Variants in RFTN1 observed in about 807,000 individuals in gnomAD.
The protein encoded by RFTN1 is raftlin.
A neutral mutation model predicts 46.5 loss-of-function variants in RFTN1; 26 were observed. The observed-to-expected ratio is 0.56, with a 90% confidence interval of 0.41 to 0.78. RFTN1 has a LOEUF of 0.78. Among genes scored for constraint, RFTN1 ranks in the 30% least tolerant of loss-of-function variants. The pLI is 0.00. For synonymous variants in RFTN1, 261 were observed against 284.2 expected, an observed-to-expected ratio of 0.92 and a Z score of 0.82; for missense variants, 693 against 718.7, an observed-to-expected ratio of 0.96 and a Z score of 0.41.
chr3:16,331,390 A>T (rs1203757063), intron 7 of RFTN1, among the ~76,000 whole-genome samples: 1 of 152,210 alleles, frequency 6.6e-6, no homozygotes, highest in East Asian at 1.9e-4. Context: ...CCAAATGGTT[A>T]TTTTGTAATT....
Position 16,442,942 on chromosome 3 carries a change from T to C in RFTN1, c.146-8905A>G, listed in dbSNP as rs1199228888. 1.3e-5 allele frequency among the ~76,000 whole-genome samples: 2 copies of C among 152,244 alleles called. No individual in the cohort carries two copies. Among genetic ancestry groups the C allele is most frequent in the African/African-American group, 4.8e-5 (2 of 41,474 alleles). On this transcript the variant is annotated intron_variant, in intron 2 of 9. Transcript: ENST00000334133. This position sits in a 1 kb window ranked among gnomAD's most constrained non-coding sequence, Gnocchi z 4.1. ...TTTTTTAAGGCTGAATAATACTCCA[T>C]TGCATATATATACCATAGTTTATTT...
Position 16,427,650 on chromosome 3 carries a change from C to T in RFTN1, c.332+6201G>A, listed in dbSNP as rs1284536269. Among the ~76,000 whole-genome samples, 1 of 152,220 alleles carries T rather than the reference C, an allele frequency of 6.6e-6. No individual in the cohort carries two copies. The highest frequency in any genetic ancestry group is 1.5e-5 in the Non-Finnish European group (1 of 68,038). On this transcript the variant is annotated intron_variant, in intron 3 of 9. Transcript: ENST00000334133. This position sits in a 1 kb window ranked among gnomAD's most constrained non-coding sequence, Gnocchi z 5.4. ...CTCTCAACAACCCACTGCATCTCTT[C>T]TAAGAATCACTGGAGGAATCTGTTC...
chr3:16,397,876 T>C (rs1161123885), intron 4 of RFTN1, among the ~76,000 whole-genome samples: 3 of 152,106 alleles, frequency 2.0e-5, no homozygotes, highest in African/African-American at 7.2e-5. Flanking sequence ...AGTTCTCAGG[T>C]CATTTTGAAG....
chr3:16,482,929 C>A (rs1005413222), intron 2 of RFTN1: 2 of 1,118,908 alleles, frequency 1.8e-6, no homozygotes, highest in African/African-American at 3.1e-5. Flanking sequence ...CCCCACCCAA[C>A]TCTGACCCTG....
In RFTN1 at chr3:16,468,952, C is replaced by G. The variant is rs1478512390; in HGVS notation, c.145+24773G>C. Among the ~76,000 whole-genome samples the G allele has an allele frequency of 1.3e-5, 2 of 152,278 alleles. No homozygotes were observed. The highest frequency in any genetic ancestry group is 2.9e-5 in the Non-Finnish European group (2 of 68,054). ...CTGCCAAAAGGCCAATCCATTCCCCCCATCACTCAGCCTGCCTGAATCGCA... is the reference window on the plus strand; with the variant it reads ...CTGCCAAAAGGCCAATCCATTCCCCGCATCACTCAGCCTGCCTGAATCGCA... On this transcript the variant is annotated intron_variant, in intron 2 of 9. Coordinates refer to ENST00000334133, the MANE Select transcript of RFTN1 (RefSeq NM_015150.2). The surrounding 1 kb of genome is among the most constrained non-coding windows in gnomAD (Gnocchi z 4.4).
At chr3:16,367,029 G>A (rs113638349) in intron 6 of RFTN1, among the ~76,000 whole-genome samples, 7,921 of 123,400 alleles carry the variant, frequency 0.064, no homozygotes, top group South Asian at 0.2. Context: ...AATGCCTCAA[G>A]AACAGAAGCT....
chr3:16,394,983 A>G (rs1559320211), intron 4 of RFTN1, among the ~76,000 whole-genome samples: 1 of 152,234 alleles, frequency 6.6e-6, no homozygotes, highest in Admixed American at 6.5e-5. Context: ...TGGTGATGAT[A>G]AAGGCAACCA....
rs902973406 is a variant in RFTN1, at chr3:16,428,816, A to C, written c.332+5035T>G. ...CTAGAATTAAACCCACACTCATGAA[A>C]CATCAGAAGTGACGTTTTAATAACT... On this transcript the variant is annotated intron_variant, in intron 3 of 9. Coordinates refer to ENST00000334133, the MANE Select transcript of RFTN1 (RefSeq NM_015150.2). The surrounding 1 kb of genome is among the most constrained non-coding windows in gnomAD (Gnocchi z 4.7). Among the ~76,000 whole-genome samples, 1 of 152,246 alleles carries C rather than the reference A, an allele frequency of 6.6e-6. No individual in the cohort carries two copies. Among genetic ancestry groups the C allele is most frequent in the African/African-American group, 2.4e-5 (1 of 41,472 alleles).
At chr3:16,393,945 C>G (rs2074411064) in intron 4 of RFTN1, among the ~76,000 whole-genome samples, 1 of 152,096 alleles carries the variant, frequency 6.6e-6, no homozygotes, top group African/African-American at 2.4e-5. Flanking sequence ...AGGTGTGAGC[C>G]ACCGCACCCG....
rs1356509619 is a variant in RFTN1 at position 16,482,998 on chromosome 3, C to T, written c.145+10727G>A. ...AGCCTCCCTTCTAGCCATCCACCTT[C>T]CCTCCTCCAGGGCTTCTGACATTTT... On this transcript the variant is annotated intron_variant, in intron 2 of 9. Transcript: ENST00000334133. 33 of 614,072 alleles carry T rather than the reference C, an allele frequency of 5.4e-5. No individual in the cohort carries two copies. In the Admixed American group the frequency reaches 9.2e-4, roughly 17 times the overall value. The allele number at this position is 614,072 out of a possible 1,614,324, so 38.0% of individuals were successfully genotyped here. A position where few individuals can be genotyped will look rare whatever the true frequency, so the allele number is the denominator to read the frequency against.
At chr3:16,432,684 A>AAGAG (rs956491124) in intron 3 of RFTN1, among the ~76,000 whole-genome samples, 1 of 152,018 alleles carries the variant, frequency 6.6e-6, no homozygotes, top group South Asian at 2.1e-4. Context: ...AGAAAAAAAA[A>AAGAG]AGAGAGAGAG....
At chr3:16,360,521 T>C (rs770688849) in intron 6 of RFTN1, among the ~76,000 whole-genome samples, 19 of 152,324 alleles carry the variant, frequency 1.2e-4, no homozygotes, top group Non-Finnish European at 2.5e-4. Context: ...TATGGTGATA[T>C]GCAAAAGTTT....
At position 16,458,570 on chromosome 3, in the gene RFTN1, T is replaced by C. The variant is rs557721444; in HGVS notation, c.146-24533A>G. ...GATCTTTATTGAGCTTTTCCATCTT[T>C]GTAAATCGTAAATTGTCCTTTCAAC... On this transcript the variant is annotated intron_variant, in intron 2 of 9. Coordinates refer to ENST00000334133, the MANE Select transcript of RFTN1 (RefSeq NM_015150.2). The surrounding 1 kb of genome is among the most constrained non-coding windows in gnomAD (Gnocchi z 5.1). Among the ~76,000 whole-genome samples the C allele has an allele frequency of 6.6e-6, 1 of 152,358 alleles. No individual in the cohort carries two copies. Among genetic ancestry groups the C allele is most frequent in the South Asian group, 2.1e-4 (1 of 4,830 alleles).
At position 16,507,692 on chromosome 3, in the gene RFTN1, T is replaced by TACAC. The variant is rs1225183240; in HGVS notation, c.-9+5746_-9+5749dup. On this transcript the variant is annotated intron_variant, in intron 1 of 9. Coordinates refer to ENST00000334133, the MANE Select transcript of RFTN1 (RefSeq NM_015150.2). This position sits in a 1 kb window ranked among gnomAD's most constrained non-coding sequence, Gnocchi z 7.1. ...CACACAATGCACATAAACACACACA[T>TACAC]ACACACACATACATACACATACACA... Among the ~76,000 whole-genome samples, 1 of 144,568 alleles carries TACAC rather than the reference T, an allele frequency of 6.9e-6. No individual in the cohort carries two copies. Among genetic ancestry groups the TACAC allele is most frequent in the Non-Finnish European group, 1.5e-5 (1 of 65,982 alleles). 94.8% of individuals were successfully genotyped at this position (144,568 alleles called of 152,430 possible).
chr3:16,357,869 A>C, intron 7 of RFTN1, 63 bp downstream of exon 7: 3 of 1,029,626 alleles, frequency 2.9e-6, no homozygotes, highest in Non-Finnish European at 4.6e-6. Flanking sequence ...GGTCAGATCA[A>C]GCAGGCGGAT....
chr3:16,493,665 CCTG>C, intron 2 of RFTN1, 57 bp downstream of exon 2: 1 of 1,397,600 alleles, frequency 7.2e-7, no homozygotes, highest in Non-Finnish European at 9.6e-7. Flanking sequence ...ACCCCCATCC[CCTG>C]CAGGCCCCTG....
chr3:16,480,811 C>T lies in RFTN1; in HGVS notation c.145+12914G>A, dbSNP rs1043605301. Among the ~76,000 whole-genome samples the T allele has an allele frequency of 6.6e-6, 1 of 152,140 alleles. No homozygotes were observed. The highest frequency in any genetic ancestry group is 1.9e-4 in the East Asian group (1 of 5,198). On this transcript the variant is annotated intron_variant, in intron 2 of 9. Coordinates refer to ENST00000334133, the MANE Select transcript of RFTN1 (RefSeq NM_015150.2). The surrounding 1 kb of genome is among the most constrained non-coding windows in gnomAD (Gnocchi z 4.3). ...TAACTTGTTTTCTGTTCCGCTTTAA[C>T]CAAATTAGATAACAATTATTACCAC...
intron 9 of RFTN1, among the ~76,000 whole-genome samples, chr3:16,319,836 G>A (rs1325009310): frequency 6.6e-6 from 1 of 152,238 alleles, no homozygotes; most frequent in African/African-American, 2.4e-5. Context: ...GAGCCTCTGA[G>A]GTGAGCTCTG....
chr3:16,434,076 A>G (rs1436342195), intron 2 of RFTN1, 39 bp from the exon 3 acceptor site: 1 of 1,506,524 alleles, frequency 6.6e-7, no homozygotes, highest in Non-Finnish European at 8.8e-7. Context: ...AAGACCCATC[A>G]CAACGCCCAC....
Sources: allele counts gnomAD v4.1 joint callset (sites outside exome capture counted in the v4.1 genomes callset), GRCh38; gene constraint gnomAD v4.1.1; non-coding constraint Gnocchi (gnomAD v3.1); transcripts MANE v1.5; gene names NCBI Gene and HGNC (gene_info 2026-07-23, HGNC 2026-07-21).